Variants in CLVS1 observed in about 807,000 individuals in gnomAD.
The protein encoded by CLVS1 is clavesin-1.
CLVS1 carries 10 observed loss-of-function variants against 33.1 expected under a neutral mutation model. The ratio of observed to expected loss-of-function variants is 0.30; its 90% CI spans 0.19 to 0.51. The LOEUF (loss-of-function observed/expected upper bound fraction) is 0.51, where lower values mean the gene tolerates loss of function less well. Ranked by LOEUF, CLVS1 falls within the 20% of genes least tolerant of loss-of-function variation. The pLI is 0.97. For synonymous variants in CLVS1, 163 were observed against 166.1 expected (o/e 0.98, Z 0.14); for missense variants, 343 against 433.4 (o/e 0.79, Z 1.85).
chr8:61,377,015 G>A (rs1022783815), intron 3 of CLVS1: 5 of 428,722 alleles, frequency 1.2e-5, no homozygotes, highest in Non-Finnish European at 2.1e-5. Context: ...ATCCTCTGTA[G>A]CAATAATGAA....
chr8:61,445,671 C>G (rs976219371), intron 3 of CLVS1, among the ~76,000 whole-genome samples: 5 of 152,204 alleles, frequency 3.3e-5, no homozygotes, highest in Non-Finnish European at 7.3e-5. Flanking sequence ...AAAGGTAATA[C>G]TAGCTTCATA....
intron 1 of CLVS1, among the ~76,000 whole-genome samples, chr8:61,118,860 T>G (rs1805798456): frequency 6.6e-6 from 1 of 152,046 alleles, no homozygotes; most frequent in Non-Finnish European, 1.5e-5. Flanking sequence ...TGATTTGGGG[T>G]GGAGAGTTCT....
At chr8:61,037,403 C>G in the CLVS1 span, among the ~76,000 whole-genome samples, 2 of 152,144 alleles carry the variant, frequency 1.3e-5, no homozygotes, top group African/African-American at 4.8e-5. Context: ...TTGTGACTGG[C>G]TTATTTTGCT....
chr8:61,171,641 A>T (rs1041095987), intron 2 of CLVS1, among the ~76,000 whole-genome samples: 1 of 152,174 alleles, frequency 6.6e-6, no homozygotes, highest in African/African-American at 2.4e-5. Flanking sequence ...TCCTCTTTTT[A>T]AAATAAGCAT....
At chr8:61,490,393 G>A (rs1804030628) in intron 5 of CLVS1, among the ~76,000 whole-genome samples, 1 of 151,960 alleles carries the variant, frequency 6.6e-6, no homozygotes, top group Non-Finnish European at 1.5e-5. Flanking sequence ...ATTGGGCCGG[G>A]CTCTGTGGCT....
chr8:61,110,553 C>A (rs1201385153), intron 1 of CLVS1, among the ~76,000 whole-genome samples: 1 of 152,038 alleles, frequency 6.6e-6, no homozygotes, highest in Admixed American at 6.6e-5. Context: ...AAAAACTATG[C>A]AACATAAAAT....
At chr8:61,069,566 C>G (rs1314711252) in intron 1 of CLVS1, among the ~76,000 whole-genome samples, 1 of 152,136 alleles carries the variant, frequency 6.6e-6, no homozygotes, top group Non-Finnish European at 1.5e-5. Context: ...TGTGGCTGGG[C>G]TTGTGTCTTC....
chr8:61,079,157 T>A (rs867550586), intron 1 of CLVS1, among the ~76,000 whole-genome samples: 2 of 152,230 alleles, frequency 1.3e-5, no homozygotes, highest in African/African-American at 4.8e-5. Flanking sequence ...ATCAGCTTTA[T>A]ACTTCTGGAA....
In CLVS1 at chr8:61,499,592, C is replaced by A; in HGVS notation, c.*50C>A. The A allele has an allele frequency of 1.4e-6, 2 of 1,418,612 alleles. No individual in the cohort carries two copies. Among genetic ancestry groups the A allele is most frequent in the Non-Finnish European group, 2.0e-6 (2 of 1,003,412 alleles). The allele number at this position is 1,418,612 out of a possible 1,614,324, so 87.9% of individuals were successfully genotyped here. On this transcript the variant is annotated 3_prime_UTR_variant, in exon 6 of 6. Coordinates refer to ENST00000325897, the MANE Select transcript of CLVS1 (RefSeq NM_173519.3). ...GCACACTGGCCTTCAGTGGTATCAG[C>A]CACCCAGGAAGCACATGCACAACTG...
chr8:61,282,696 G>C (rs1809697911), intron 2 of CLVS1, among the ~76,000 whole-genome samples: 1 of 152,140 alleles, frequency 6.6e-6, no homozygotes, highest in Non-Finnish European at 1.5e-5. Flanking sequence ...TTATACATGG[G>C]GAAAGATTAA....
intron 1 of CLVS1, among the ~76,000 whole-genome samples, chr8:61,067,071 G>A (rs1431184171): frequency 6.6e-6 from 1 of 152,044 alleles, no homozygotes; most frequent in African/African-American, 2.4e-5. Flanking sequence ...AATGGGTCAC[G>A]AGAAGGACAT....
chr8:60,972,514 T>A, the CLVS1 span, among the ~76,000 whole-genome samples: 2 of 152,206 alleles, frequency 1.3e-5, no homozygotes, highest in African/African-American at 4.8e-5. Context: ...GTTAAGTGAT[T>A]ACCAGCCATT....
chr8:61,496,506 G>A lies in CLVS1; in HGVS notation c.978-2949G>A, dbSNP rs62506107. Among the ~76,000 whole-genome samples the A allele has an allele frequency of 7.8e-3, 1,185 of 152,176 alleles. 8 individuals carry two copies. Among genetic ancestry groups the A allele is most frequent in the Non-Finnish European group, 0.013 (906 of 67,996 alleles). On this transcript the variant is annotated intron_variant, in intron 5 of 5. Coordinates refer to ENST00000325897, the MANE Select transcript of CLVS1 (RefSeq NM_173519.3). ...ACTGGGCCTTAAACTAAAACAAAGAGAAAAATGCACTGGAAATGTGTTAGG... is the reference window on the plus strand; with the variant it reads ...ACTGGGCCTTAAACTAAAACAAAGAAAAAAATGCACTGGAAATGTGTTAGG...
At chr8:61,131,238 G>A (rs1342119761) in intron 1 of CLVS1, among the ~76,000 whole-genome samples, 1 of 152,194 alleles carries the variant, frequency 6.6e-6, no homozygotes, top group African/African-American at 2.4e-5. Context: ...TCTGCCCTGA[G>A]CACATATGCA....
intron 1 of CLVS1, among the ~76,000 whole-genome samples, chr8:61,290,812 C>T (rs1809961704): frequency 6.6e-6 from 1 of 152,138 alleles, no homozygotes; most frequent in Non-Finnish European, 1.5e-5. Flanking sequence ...GAAATATGTC[C>T]TCAACATTGC....
the CLVS1 span, among the ~76,000 whole-genome samples, chr8:60,987,908 G>A: frequency 4.7e-4 from 71 of 152,242 alleles, 1 homozygote; most frequent in African/African-American, 1.6e-3. Context: ...TGGTGATAGA[G>A]CAAGACCAAA....
At chr8:61,020,918 A>C in the CLVS1 span, among the ~76,000 whole-genome samples, 1 of 152,178 alleles carries the variant, frequency 6.6e-6, no homozygotes, top group Admixed American at 6.5e-5. Flanking sequence ...GCTCTTTCAC[A>C]TGCTTCTGTT....
intron 2 of CLVS1, among the ~76,000 whole-genome samples, chr8:61,331,011 G>T (rs1347575240): frequency 6.6e-6 from 1 of 152,058 alleles, no homozygotes; most frequent in African/African-American, 2.4e-5. Flanking sequence ...GGGCCCAGGA[G>T]TTAGAGGCTG....
chr8:60,992,792 G>C, the CLVS1 span, among the ~76,000 whole-genome samples: 1 of 152,166 alleles, frequency 6.6e-6, no homozygotes, highest in Admixed American at 6.5e-5. Flanking sequence ...AAATTAAGAA[G>C]AGCAAGACAT....
Sources: gnomAD v4.1 joint callset for allele counts (sites outside exome capture counted in the v4.1 genomes callset) on GRCh38, gnomAD v4.1.1 for gene constraint, MANE v1.5 for transcripts, NCBI Gene and HGNC (gene_info 2026-07-23, HGNC 2026-07-21) for gene names.